C16orf74: variants seen among roughly 807,000 people sequenced by gnomAD.
The protein encoded by C16orf74 is calcimembrin.
In C16orf74, 10 loss-of-function variants were observed where a neutral mutation model predicts 6.5. The observed-to-expected ratio is 1.54, with a 90% confidence interval of 0.95 to 2.61. The LOEUF is 2.61. C16orf74 is among the 30% of genes most tolerant of loss of function. The pLI is 0.00. For missense variants in C16orf74, 141 were observed against 105.9 expected, an observed-to-expected ratio of 1.33 and a Z score of -1.45; for synonymous variants, 60 against 42.5, an observed-to-expected ratio of 1.41 and a Z score of -1.60.
chr16:85,712,062 G>T (rs903070446), intron 2 of C16orf74, among the ~76,000 whole-genome samples: 5 of 152,200 alleles, frequency 3.3e-5, no homozygotes, highest in African/African-American at 9.6e-5. Flanking sequence ...TGGAACACTT[G>T]CTCTTGGGGA....
chr16:85,743,933 A>G (rs1220542703), intron 1 of C16orf74, among the ~76,000 whole-genome samples: 2 of 152,162 alleles, frequency 1.3e-5, no homozygotes, highest in Non-Finnish European at 2.9e-5. Flanking sequence ...GGGCGCCTGT[A>G]GTCCCAGCTA....
chr16:85,725,749 G>A (rs1415899287), intron 2 of C16orf74, among the ~76,000 whole-genome samples: 2 of 152,084 alleles, frequency 1.3e-5, no homozygotes, highest in Admixed American at 6.5e-5. Flanking sequence ...CACTACAGGC[G>A]CATGCTACCA....
rs1178547253 is a variant in C16orf74, at chr16:85,707,721, G to A, written c.*287C>T. On this transcript the variant is annotated 3_prime_UTR_variant, in exon 4 of 4. Coordinates refer to ENST00000284245, the MANE Select transcript of C16orf74 (RefSeq NM_206967.3). ...TGTCCAGAAGAGAGCCTCTCCCTGG[G>A]ACCCCAACAGCCAGGACCATGGCGC... 2.2e-6 allele frequency: 1 copy of A among 450,570 alleles called. No individual in the cohort carries two copies. Among genetic ancestry groups the A allele is most frequent in the East Asian group, 4.3e-5 (1 of 23,424 alleles). The allele number at this position is 450,570 out of a possible 1,614,324, so 27.9% of individuals were successfully genotyped here.
rs765505704 is a variant in C16orf74 at position 85,735,212 on chromosome 16, C to T, written c.6G>A (p.Gly2=). 49 of 1,599,678 alleles carry T rather than the reference C, an allele frequency of 3.1e-5. 1 individual carries two copies. The highest frequency in any genetic ancestry group is 3.3e-4 in the Middle Eastern group (2 of 6,046). Residue 2 remains glycine, a synonymous_variant, in exon 2 of 4, where the codon GGG becomes GGA. Transcript: ENST00000284245. The part of the protein sequence containing the change: M[G]LKMSCLKGFQ... ...TACCTTTCAGGCAGGACATCTTAAGCCCCATGTCGGCACCTCTGCAGGCCT... is the reference window on the plus strand; with the variant it reads ...TACCTTTCAGGCAGGACATCTTAAGTCCCATGTCGGCACCTCTGCAGGCCT...
chr16:85,717,511 C>T (rs552152760), intron 2 of C16orf74, among the ~76,000 whole-genome samples: 1 of 152,296 alleles, frequency 6.6e-6, no homozygotes, highest in Non-Finnish European at 1.5e-5. Context: ...GCAGGAAGTG[C>T]CAGGTGTGGG....
chr16:85,742,310 T>A (rs185223620), intron 1 of C16orf74, among the ~76,000 whole-genome samples: 1 of 152,072 alleles, frequency 6.6e-6, no homozygotes, highest in Non-Finnish European at 1.5e-5. Context: ...GAGCCAGAAG[T>A]TGCAGTGAGC....
intron 1 of C16orf74, among the ~76,000 whole-genome samples, chr16:85,744,593 G>A (rs411960): frequency 0.35 from 53,314 of 152,052 alleles, 11,709 homozygotes; most frequent in Middle Eastern, 0.57. Flanking sequence ...CACTTTGGGA[G>A]GCCAAGGCGG....
Position 85,710,421 on chromosome 16 carries a change from C to A in C16orf74, c.29-114G>T. On this transcript the variant is annotated intron_variant, in intron 2 of 3. Transcript: ENST00000284245. ...CCCTTCACTATCACCTGGGTCCTGA[C>A]GCCTCGCAGCAAGGAGCGCAGCTGT... is the stretch of plus-strand genomic sequence containing the variant. 3 of 1,025,912 alleles carry A rather than the reference C, an allele frequency of 2.9e-6. 1 individual carries two copies. Among genetic ancestry groups the A allele is most frequent in the East Asian group, 6.5e-5 (2 of 30,612 alleles). 63.6% of individuals were successfully genotyped at this position (1,025,912 alleles called of 1,614,324 possible).
At chr16:85,715,709 G>A (rs2054016617) in intron 2 of C16orf74, among the ~76,000 whole-genome samples, 1 of 152,190 alleles carries the variant, frequency 6.6e-6, no homozygotes, top group African/African-American at 2.4e-5. Flanking sequence ...TGGGTCTCAG[G>A]GCTGTGGTTG....
At chr16:85,714,974 A>G (rs530888291) in intron 2 of C16orf74, among the ~76,000 whole-genome samples, 46 of 150,840 alleles carry the variant, frequency 3.0e-4, no homozygotes, top group Admixed American at 7.9e-4. Flanking sequence ...GGCTAACACA[A>G]TGAAACCCCG....
rs1164463463 is a variant in C16orf74 at position 85,716,632 on chromosome 16, A to G, written c.29-6325T>C. 3.6e-5 allele frequency among the ~76,000 whole-genome samples: 5 copies of G among 137,990 alleles called. No individual in the cohort carries two copies. The Admixed American group carries it at 3.8e-4, about 11-fold the overall frequency. 90.5% of individuals were successfully genotyped at this position (137,990 alleles called of 152,430 possible). On this transcript the variant is annotated intron_variant, in intron 2 of 3. Transcript: ENST00000284245. ...AGGGCAGGAAGAGGAAGAGAGGAGG[A>G]GGAGGGAGCAGACAAGGCAGAGGGA...
At chr16:85,708,126 T>G (rs2053931857) in intron 3 of C16orf74, 60 bp from the exon 4 acceptor site, 1 of 1,421,986 alleles carries the variant, frequency 7.0e-7, no homozygotes, top group South Asian at 1.2e-5. Context: ...CCAAGCCCCG[T>G]TTCCCTGGGA....
Position 85,709,495 on chromosome 16 carries a change from G to GTTATTATTATTATTA in C16orf74, c.172+654_172+668dup, listed in dbSNP as rs57478569. Among the ~76,000 whole-genome samples, 882 of 147,410 alleles carry GTTATTATTATTATTA rather than the reference G, an allele frequency of 6.0e-3. 4 individuals are homozygous for GTTATTATTATTATTA. Among genetic ancestry groups the GTTATTATTATTATTA allele is most frequent in the African/African-American group, 0.012 (486 of 39,578 alleles). ...GCTACCTATCATGACCATCCCCAAT[G>GTTATTATTATTATTA]TTATTATTATTATTATTATTATTAT... is the stretch of plus-strand genomic sequence containing the variant. On this transcript the variant is annotated intron_variant, in intron 3 of 3. Coordinates refer to ENST00000284245, the MANE Select transcript of C16orf74 (RefSeq NM_206967.3).
intron 2 of C16orf74, among the ~76,000 whole-genome samples, chr16:85,721,414 C>T (rs1014173604): frequency 6.6e-6 from 1 of 152,204 alleles, no homozygotes. Flanking sequence ...ACCAAAAATA[C>T]TTCCAGACAT....
intron 2 of C16orf74, among the ~76,000 whole-genome samples, chr16:85,729,214 C>G (rs1009724443): frequency 6.6e-6 from 1 of 152,194 alleles, no homozygotes; most frequent in Non-Finnish European, 1.5e-5. Context: ...CCTCAGCCTC[C>G]CTGTCTGTAG....
chr16:85,733,327 C>T (rs1386587802), intron 2 of C16orf74, among the ~76,000 whole-genome samples: 2 of 152,198 alleles, frequency 1.3e-5, no homozygotes, highest in Non-Finnish European at 2.9e-5. Context: ...GATGATTCCA[C>T]TGACACGAGG....
At chr16:85,739,453 G>T (rs1274055479) in intron 1 of C16orf74, among the ~76,000 whole-genome samples, 2 of 152,208 alleles carry the variant, frequency 1.3e-5, no homozygotes, top group African/African-American at 4.8e-5. Context: ...TCTGGAATTT[G>T]CTGTAAAATA....
Position 85,710,151 on chromosome 16 carries a change from G to T in C16orf74, c.172+13C>A. 7.1e-7 allele frequency: 1 copy of T among 1,413,932 alleles called. No individual in the cohort carries two copies. The allele number at this position is 1,413,932 out of a possible 1,614,324, so 87.6% of individuals were successfully genotyped here. A position where few individuals can be genotyped will look rare whatever the true frequency, so the allele number is the denominator to read the frequency against. On this transcript the variant is annotated intron_variant, in intron 3 of 3. Coordinates refer to ENST00000284245, the MANE Select transcript of C16orf74 (RefSeq NM_206967.3). The stretch of plus-strand genomic sequence containing the variant: ...CAGCCGACCCGGCTTGGCGGTGGAG[G>T]GGACGGCCTCACCTGTGCTCCCCAA...
chr16:85,744,522 C>A (rs866698426), intron 1 of C16orf74, among the ~76,000 whole-genome samples: 1 of 152,212 alleles, frequency 6.6e-6, no homozygotes, highest in Admixed American at 6.5e-5. Context: ...CTTTCTTGCA[C>A]CCAGGCATAA....
Sources: gnomAD v4.1 joint callset for allele counts (sites outside exome capture counted in the v4.1 genomes callset) on GRCh38, gnomAD v4.1.1 for gene constraint, MANE v1.5 for transcripts, NCBI Gene and HGNC (gene_info 2026-07-23, HGNC 2026-07-21) for gene names.